The following POLM variants were observed in gnomAD, a reference collection of about 807,000 sequenced individuals.
POLM encodes DNA-directed DNA/RNA polymerase mu.
In POLM, 52 loss-of-function variants were observed where a neutral mutation model predicts 56.7. The ratio of observed to expected loss-of-function variants is 0.92; its 90% CI spans 0.73 to 1.15. POLM has a LOEUF of 1.15. Among genes scored for constraint, POLM ranks in the 50% most tolerant of loss-of-function variants. The pLI is 0.00. For synonymous variants in POLM, 273 were observed against 274.3 expected, an observed-to-expected ratio of 1.00 and a Z score of 0.05; for missense variants, 660 against 663.6, an observed-to-expected ratio of 0.99 and a Z score of 0.06.
intron 10 of POLM, 31 bp from the exon 11 acceptor site, chr7:44,073,408 G>A: frequency 1.2e-6 from 2 of 1,608,928 alleles, no homozygotes; most frequent in East Asian, 4.5e-5. Context: ...CCGTGACCTA[G>A]GAGTCTTGCC....
Position 44,074,420 on chromosome 7 carries a change from T to A in POLM, c.946A>T (p.Thr316Ser). 1 of 1,561,156 alleles carries A rather than the reference T, an allele frequency of 6.4e-7. No individual in the cohort carries two copies. The highest frequency in any genetic ancestry group is 8.7e-7 in the Non-Finnish European group (1 of 1,152,578). ...VGQALPGATV[T>S]LTGGFRRGKL... ...TACCTGCGGAAGCCGCCGGTCAGCG[T>A]GACGGTGGCCCCAGGCAGGGCCTGC... The change falls in exon 7 of 11, where the codon ACG becomes TCG. Residue 316 changes from threonine (T) to serine (S), a missense_variant. Physicochemically the swap from Thr to Ser is moderately conservative, Grantham distance 58 (BLOSUM62 1). Coordinates refer to ENST00000242248, the MANE Select transcript of POLM (RefSeq NM_013284.4).
chr7:44,074,295 C>T, intron 7 of POLM, 62 bp from the exon 8 acceptor site: 2 of 1,543,436 alleles, frequency 1.3e-6, no homozygotes, highest in South Asian at 2.4e-5. Context: ...CCCCAGGCCA[C>T]ATCCCTTCCA....
In POLM at chr7:44,074,451, A is replaced by G; in HGVS notation, c.915T>C (p.Ala305=). 6.3e-7 allele frequency: 1 copy of G among 1,580,436 alleles called. No homozygotes were observed. The highest frequency in any genetic ancestry group is 8.6e-7 in the Non-Finnish European group (1 of 1,163,444). The change falls in exon 7 of 11, where the codon GCT becomes GCC. Residue 305 remains alanine (A), a synonymous_variant. Transcript: ENST00000242248. ...VDALQQVVEE[A]VGQALPGATV... Reference sequence around the variant, plus strand: ...TGGCCCCAGGCAGGGCCTGCCCCACAGCTTCCTCCACCACCTGCTGCAGGG... The same window carrying G: ...TGGCCCCAGGCAGGGCCTGCCCCACGGCTTCCTCCACCACCTGCTGCAGGG...
At position 44,079,737 on chromosome 7, in the gene POLM, GCCTCCT is replaced by G; in HGVS notation, c.472-2_475del. 6.2e-7 allele frequency: 1 copy of G among 1,608,872 alleles called. No individual in the cohort carries two copies. The highest frequency in any genetic ancestry group is 1.1e-5 in the South Asian group (1 of 90,702). On this transcript the variant is annotated splice_acceptor_variant and coding_sequence_variant, in exon 4 of 11. Transcript: ENST00000242248. LOFTEE classifies it high-confidence loss of function. Reference sequence around the variant, plus strand: ...TGCTGCCTCGGCCAGTATCTCCAGAGCCTCCTGCAGGGAGGGGCCCTAGGTAAGGGG... The same window carrying G: ...TGCTGCCTCGGCCAGTATCTCCAGAGGCAGGGAGGGGCCCTAGGTAAGGGG...
chr7:44,078,678 A>G (rs770705803), intron 5 of POLM, 62 bp downstream of exon 5: 4 of 1,447,968 alleles, frequency 2.8e-6, no homozygotes, highest in Non-Finnish European at 3.9e-6. Context: ...CATGGTGTGG[A>G]CTGTGTTGTC....
chr7:44,080,024 T>C lies in POLM; in HGVS notation c.373-65A>G, dbSNP rs28382638. ...GGCTGGCAGGAGAGCCAGGCCGTACTCAGGCTTTGTTTCTCCTGGGGTGTC... is the reference window on the plus strand; with the variant it reads ...GGCTGGCAGGAGAGCCAGGCCGTACCCAGGCTTTGTTTCTCCTGGGGTGTC... On this transcript the variant is annotated intron_variant, in intron 2 of 10. Coordinates refer to ENST00000242248, the MANE Select transcript of POLM (RefSeq NM_013284.4). 7,292 of 1,209,594 alleles carry C rather than the reference T, an allele frequency of 6.0e-3. 337 individuals carry two copies. In the African/African-American group the frequency reaches 0.097, roughly 16 times the overall value. The allele number at this position is 1,209,594 out of a possible 1,614,324, so 74.9% of individuals were successfully genotyped here. A position where few individuals can be genotyped will look rare whatever the true frequency, so the allele number is the denominator to read the frequency against.
chr7:44,072,310 A>T lies in POLM; in HGVS notation c.*981T>A, dbSNP rs2096170766. 6.6e-6 allele frequency: 1 copy of T among 152,242 alleles called. No individual in the cohort carries two copies. Among genetic ancestry groups the T allele is most frequent in the Non-Finnish European group, 1.5e-5 (1 of 68,052 alleles). The allele number at this position is 152,242 out of a possible 1,614,324, so 9.4% of individuals were successfully genotyped here. On this transcript the variant is annotated 3_prime_UTR_variant, in exon 11 of 11. Transcript: ENST00000242248. ...GTGGTCTGGGAAATCCTCGCCTAAC[A>T]AAGTGGCTTTTGATTCAAGGCCTGA...
chr7:44,082,466 G>C lies in POLM; in HGVS notation c.-28C>G. Reference sequence around the variant, plus strand: ...GGACGACAGCCTCCAGCAGCGCGGAGCGAACGCAGAGGGAAACTCCGAGCG... The same window carrying C: ...GGACGACAGCCTCCAGCAGCGCGGACCGAACGCAGAGGGAAACTCCGAGCG... On this transcript the variant is annotated 5_prime_UTR_variant, in exon 1 of 11. Coordinates refer to ENST00000242248, the MANE Select transcript of POLM (RefSeq NM_013284.4). 2 of 1,130,088 alleles carry C rather than the reference G, an allele frequency of 1.8e-6. No individual in the cohort carries two copies. The highest frequency in any genetic ancestry group is 2.2e-6 in the Non-Finnish European group (2 of 910,198). 70.0% of individuals were successfully genotyped at this position (1,130,088 alleles called of 1,614,324 possible). A position where few individuals can be genotyped will look rare whatever the true frequency, so the allele number is the denominator to read the frequency against.
chr7:44,081,781 T>C (rs2096200683), intron 1 of POLM, among the ~76,000 whole-genome samples: 2 of 146,808 alleles, frequency 1.4e-5, no homozygotes, highest in South Asian at 4.3e-4. Flanking sequence ...AGTCTCACTC[T>C]GTCGCCCAGG....
At chr7:44,080,206 C>G (rs1214381208) in intron 2 of POLM, among the ~76,000 whole-genome samples, 1 of 152,216 alleles carries the variant, frequency 6.6e-6, no homozygotes, top group African/African-American at 2.4e-5. Context: ...GGGCACTTCT[C>G]CTGCTGCTGC....
chr7:44,074,219 C>T lies in POLM; in HGVS notation c.983G>A (p.Gly328Asp). 1 of 1,585,926 alleles carries T rather than the reference C, an allele frequency of 6.3e-7. No homozygotes were observed. Among genetic ancestry groups the T allele is most frequent in the Non-Finnish European group, 8.6e-7 (1 of 1,165,754 alleles). ...GGTGATGAGGAAGTCCACGTCATGG[C>T]CCTGCAACTTCCCCCTGAGGGCGTC... ...TGGFRRGKLQ[G>D]HDVDFLITHP... Residue 328 changes from glycine to aspartate, a missense_variant, in exon 8 of 11, where the codon GGC becomes GAC. Physicochemically the swap from Gly to Asp is moderately conservative, Grantham distance 94 (BLOSUM62 -1). Transcript: ENST00000242248.
Position 44,073,625 on chromosome 7 carries a change from C to A in POLM, c.1398G>T (p.Gln466His). The A allele has an allele frequency of 1.9e-6, 3 of 1,614,058 alleles. No homozygotes were observed. The highest frequency in any genetic ancestry group is 2.5e-6 in the Non-Finnish European group (3 of 1,179,952). The part of the protein sequence containing the change: ...LNSHGLFDPE[Q>H]KTFFQAASEE... ...CTGTCCCCAGTCCCCAACAATGTAC[C>A]TGCTCCGGGTCAAACAGCCCATGGC... is the stretch of plus-strand genomic sequence containing the variant. Residue 466 changes from glutamine to histidine, a missense_variant and splice_region_variant, in exon 10 of 11, where the codon CAG (glutamine) becomes CAT (histidine). Physicochemically the swap from Gln to His is conservative, Grantham distance 24. Transcript: ENST00000242248.
Position 44,073,675 on chromosome 7 carries a change from T to TC in POLM, c.1347dup (p.Lys450GlufsTer14). On this transcript the variant is annotated frameshift_variant, in exon 10 of 11. Transcript: ENST00000242248. LOFTEE classifies it high-confidence loss of function. ...CTGTTCAGCCACAGGCCCTTCTCCT[T>TC]CCGGCTGAAGCGGCGCAGCTCCCGC... The TC allele has an allele frequency of 6.2e-7, 1 of 1,614,186 alleles. No individual in the cohort carries two copies. The highest frequency in any genetic ancestry group is 8.5e-7 in the Non-Finnish European group (1 of 1,180,026).
At chr7:44,074,635 G>C in intron 6 of POLM, 105 bp from the exon 7 acceptor site, 1 of 1,319,392 alleles carries the variant, frequency 7.6e-7, no homozygotes, top group Non-Finnish European at 1.0e-6. Flanking sequence ...GTCATTGCAG[G>C]ACCAGGAGAG....
At chr7:44,075,718 CTTTTTTTTT>C (rs1199628874) in intron 6 of POLM, 1 of 133,058 alleles carries the variant, frequency 7.5e-6, no homozygotes, top group Admixed American at 7.8e-5. Flanking sequence ...TCCTTCCCAC[CTTTTTTTTT>C]TTTTTTTTTT....
chr7:44,078,635 G>T, intron 5 of POLM, 105 bp downstream of exon 5: 2 of 992,000 alleles, frequency 2.0e-6, no homozygotes, highest in Non-Finnish European at 3.2e-6. Context: ...TGACCCCTGG[G>T]CTGGGTCAGC....
In POLM at chr7:44,074,456, C is replaced by T. The variant is rs779018517; in HGVS notation, c.910G>A (p.Glu304Lys). 1.3e-6 allele frequency: 2 copies of T among 1,584,614 alleles called. No individual in the cohort carries two copies. The highest frequency in any genetic ancestry group is 1.7e-6 in the Non-Finnish European group (2 of 1,165,754). ...CCAGGCAGGGCCTGCCCCACAGCTT[C>T]CTCCACCACCTGCTGCAGGGCATCT... is the stretch of plus-strand genomic sequence containing the variant. ...DVDALQQVVE[E>K]AVGQALPGAT... The change falls in exon 7 of 11, where the codon GAA (glutamate) becomes AAA (lysine). Residue 304 changes from glutamate to lysine, a missense_variant. By Grantham distance (56) the Glu-to-Lys change is moderately conservative. Transcript: ENST00000242248.
Position 44,073,097 on chromosome 7 carries a change from C to A in POLM, c.*194G>T, listed in dbSNP as rs868049259. The stretch of plus-strand genomic sequence containing the variant: ...ATGAGGCTGGCACTGAGGGCTCCCA[C>A]CTCATCACACCCTGCAGCACACCAG... On this transcript the variant is annotated 3_prime_UTR_variant, in exon 11 of 11. Transcript: ENST00000242248. The A allele has an allele frequency of 1.4e-6, 2 of 1,463,056 alleles. No homozygotes were observed. Among genetic ancestry groups the A allele is most frequent in the South Asian group, 2.7e-5 (2 of 72,876 alleles). The allele number at this position is 1,463,056 out of a possible 1,614,324, so 90.6% of individuals were successfully genotyped here.
At position 44,079,901 on chromosome 7, in the gene POLM, T is replaced by C; in HGVS notation, c.431A>G (p.Gln144Arg). The part of the protein sequence containing the change: ...SPAWMPAYAC[Q>R]RPTPLTHHNT... ...GTGGTGTGTGAGGGGCGTAGGGCGC[T>C]GGCAGGCATAGGCAGGCATCCATGC... Residue 144 changes from glutamine to arginine, a missense_variant, in exon 3 of 11, where the codon CAG becomes CGG. Transcript: ENST00000242248. The C allele has an allele frequency of 3.7e-6, 6 of 1,614,118 alleles. No individual in the cohort carries two copies. The highest frequency in any genetic ancestry group is 5.1e-6 in the Non-Finnish European group (6 of 1,179,996).
Sources: gnomAD v4.1 joint callset for allele counts (sites outside exome capture counted in the v4.1 genomes callset) on GRCh38, gnomAD v4.1.1 for gene constraint, MANE v1.5 for transcripts, NCBI Gene and HGNC (gene_info 2026-07-23, HGNC 2026-07-21) for gene names.